GNAQ: variants seen among roughly 807,000 people sequenced by gnomAD.
GNAQ encodes G protein subunit alpha q, also known as guanine nucleotide-binding protein G(q) subunit alpha.
In GNAQ, 8 loss-of-function variants were observed where a neutral mutation model predicts 43.9. The ratio of observed to expected loss-of-function variants is 0.18; its 90% CI spans 0.11 to 0.33. The LOEUF is 0.33. Among genes scored for constraint, GNAQ ranks in the 10% least tolerant of loss-of-function variants. The pLI, the probability that GNAQ is intolerant of heterozygous loss-of-function variation, is 1.00. For synonymous variants in GNAQ, 155 were observed against 170.7 expected, an observed-to-expected ratio of 0.91 and a Z score of 0.71; for missense variants, 158 against 450.8, an observed-to-expected ratio of 0.35 and a Z score of 5.88.
At chr9:77,846,476 G>A (rs889605924) in intron 2 of GNAQ, among the ~76,000 whole-genome samples, 3 of 152,158 alleles carry the variant, frequency 2.0e-5, no homozygotes, top group Non-Finnish European at 2.9e-5. Flanking sequence ...GAAGGGGGTG[G>A]TCCTTATGGG....
intron 2 of GNAQ, among the ~76,000 whole-genome samples, chr9:77,916,639 G>T (rs1330604364): frequency 6.6e-6 from 1 of 152,086 alleles, no homozygotes; most frequent in Admixed American, 6.6e-5. Flanking sequence ...CATGCTAGGC[G>T]AAAGGGAAAC....
intron 5 of GNAQ, among the ~76,000 whole-genome samples, chr9:77,735,736 A>C (rs1214431857): frequency 6.6e-6 from 1 of 152,204 alleles, no homozygotes; most frequent in Non-Finnish European, 1.5e-5. Flanking sequence ...TGCTGTATGG[A>C]AATGTGCTCC....
intron 5 of GNAQ, among the ~76,000 whole-genome samples, chr9:77,763,313 A>C (rs1826084330): frequency 6.6e-6 from 1 of 152,124 alleles, no homozygotes; most frequent in African/African-American, 2.4e-5. Context: ...CACAACTATT[A>C]TATGTTGTGA....
At chr9:77,739,435 A>C (rs1423331244) in intron 5 of GNAQ, among the ~76,000 whole-genome samples, 2 of 152,182 alleles carry the variant, frequency 1.3e-5, no homozygotes, top group Non-Finnish European at 2.9e-5. Flanking sequence ...TTATATACTG[A>C]AGTCATTAAC....
intron 5 of GNAQ, among the ~76,000 whole-genome samples, chr9:77,739,110 C>T (rs1296284152): frequency 6.6e-6 from 1 of 152,106 alleles, no homozygotes; most frequent in African/African-American, 2.4e-5. Context: ...CAAACTTATT[C>T]ATCTCGTAGT....
intron 1 of GNAQ, among the ~76,000 whole-genome samples, chr9:77,948,622 C>T (rs373915973): frequency 3.3e-4 from 50 of 152,262 alleles, no homozygotes; most frequent in African/African-American, 9.6e-4. Context: ...GCAGAAAGAA[C>T]GACCGCTACT....
chr9:77,961,171 G>C (rs551159367), intron 1 of GNAQ, among the ~76,000 whole-genome samples: 1 of 152,222 alleles, frequency 6.6e-6, no homozygotes, highest in Admixed American at 6.5e-5. Flanking sequence ...AAAATGGGGG[G>C]AAAAGCCCAG....
intron 1 of GNAQ, among the ~76,000 whole-genome samples, chr9:77,923,321 T>A (rs1377176152): frequency 6.6e-6 from 1 of 152,156 alleles, no homozygotes; most frequent in Non-Finnish European, 1.5e-5. Context: ...ACTAGTAACA[T>A]TATATAGAAA....
chr9:77,936,330 T>C (rs1829231348), intron 1 of GNAQ, among the ~76,000 whole-genome samples: 1 of 152,182 alleles, frequency 6.6e-6, no homozygotes, highest in Non-Finnish European at 1.5e-5. Context: ...ACCCAACAAA[T>C]GCTGTCTGAA....
At chr9:77,952,736 C>T (rs969142844) in intron 1 of GNAQ, among the ~76,000 whole-genome samples, 10 of 152,114 alleles carry the variant, frequency 6.6e-5, no homozygotes, top group African/African-American at 1.7e-4. Flanking sequence ...GACTACTAAA[C>T]CCAACATCTG....
At position 77,818,117 on chromosome 9, in the gene GNAQ, T is replaced by C. The variant is rs1827051365; in HGVS notation, c.322-2347A>G. On this transcript the variant is annotated intron_variant, in intron 2 of 6. Coordinates refer to ENST00000286548, the MANE Select transcript of GNAQ (RefSeq NM_002072.5). ...GTGTAAGTTATATTTGTCTCTGCTA[T>C]AAACCCGTTACTCAGAAGTCAACCT... 2.0e-5 allele frequency among the ~76,000 whole-genome samples: 3 copies of C among 152,342 alleles called. No homozygotes were observed. In the South Asian group the frequency reaches 6.2e-4, roughly 32 times the overall value.
intron 2 of GNAQ, among the ~76,000 whole-genome samples, chr9:77,818,815 C>T (rs1044663153): frequency 6.6e-6 from 1 of 151,796 alleles, no homozygotes; most frequent in Non-Finnish European, 1.5e-5. Context: ...GCCTGGGCAA[C>T]ATGGCAAGAC....
At chr9:77,781,934 C>G (rs1365385863) in intron 5 of GNAQ, among the ~76,000 whole-genome samples, 1 of 152,090 alleles carries the variant, frequency 6.6e-6, no homozygotes, top group East Asian at 1.9e-4. Flanking sequence ...AAACTAGAAG[C>G]TTTCTCTCTA....
At chr9:77,823,203 T>C (rs1322267510) in intron 2 of GNAQ, among the ~76,000 whole-genome samples, 1 of 152,116 alleles carries the variant, frequency 6.6e-6, no homozygotes. Context: ...CCTCCCAAAG[T>C]GCTGGGATTA....
At chr9:77,795,864 T>C (rs1028798927) in intron 4 of GNAQ, among the ~76,000 whole-genome samples, 4 of 152,240 alleles carry the variant, frequency 2.6e-5, no homozygotes, top group Non-Finnish European at 4.4e-5. Context: ...TTACTTTTAC[T>C]GTAGTGGCAA....
intron 2 of GNAQ, among the ~76,000 whole-genome samples, chr9:77,818,223 T>C (rs767533319): frequency 1.3e-5 from 2 of 152,158 alleles, no homozygotes; most frequent in Non-Finnish European, 2.9e-5. Flanking sequence ...AATTTCTAAG[T>C]CACTTTTACT....
chr9:77,950,164 G>A (rs1822957797), intron 1 of GNAQ, among the ~76,000 whole-genome samples: 1 of 152,202 alleles, frequency 6.6e-6, no homozygotes, highest in Non-Finnish European at 1.5e-5. Flanking sequence ...GAGGCAATTA[G>A]AAATGATTCC....
rs559580681 is a variant in GNAQ at position 77,815,252 on chromosome 9, G to GAAA, written c.476+363_476+364insTTT. 5.1e-3 allele frequency among the ~76,000 whole-genome samples: 779 copies of GAAA among 152,262 alleles called. 10 individuals carry two copies. Among genetic ancestry groups the GAAA allele is most frequent in the South Asian group, 0.022 (108 of 4,824 alleles). On this transcript the variant is annotated intron_variant, in intron 3 of 6. Coordinates refer to ENST00000286548, the MANE Select transcript of GNAQ (RefSeq NM_002072.5). ...TAGGTGTTTTCTAGCACATGAATAAGATTGGATTTTCTATCAAAAATTATT... is the reference window on the plus strand; with the variant it reads ...TAGGTGTTTTCTAGCACATGAATAAGAAAATTGGATTTTCTATCAAAAATTATT...
chr9:77,757,785 C>T (rs1825928514), intron 5 of GNAQ, among the ~76,000 whole-genome samples: 1 of 152,160 alleles, frequency 6.6e-6, no homozygotes, highest in Non-Finnish European at 1.5e-5. Context: ...ACAAACCTCC[C>T]ATTGGTATAT....
Sources: allele counts gnomAD v4.1 joint callset (sites outside exome capture counted in the v4.1 genomes callset), GRCh38; gene constraint gnomAD v4.1.1; transcripts MANE v1.5; gene names NCBI Gene and HGNC (gene_info 2026-07-23, HGNC 2026-07-21).